The following DOCK1 variants were observed in gnomAD, a reference collection of about 807,000 sequenced individuals.
DOCK1 encodes the protein dedicator of cytokinesis 1.
A neutral mutation model predicts 262.7 loss-of-function variants in DOCK1; 138 were observed. That is an observed-to-expected ratio of 0.53 (90% CI 0.46 to 0.61). The LOEUF (loss-of-function observed/expected upper bound fraction) is 0.61, where lower values mean the gene tolerates loss of function less well. DOCK1 is among the 20% of genes least tolerant of loss of function. The pLI is 0.00. For synonymous variants in DOCK1, 866 were observed against 867.4 expected (o/e 1.00, Z 0.03); for missense variants, 1,908 against 2,370.7 (o/e 0.80, Z 4.05).
intron 22 of DOCK1, 109 bp from the exon 23 acceptor site, chr10:127,061,559 C>A: frequency 1.1e-6 from 1 of 906,268 alleles, no homozygotes; most frequent in Non-Finnish European, 1.7e-6. Flanking sequence ...GATGTGGTCT[C>A]TCATTCTAAC....
chr10:126,948,743 G>C (rs2035865425), intron 1 of DOCK1, among the ~76,000 whole-genome samples: 1 of 152,064 alleles, frequency 6.6e-6, no homozygotes, highest in Admixed American at 6.6e-5. Context: ...CATCCAGCCT[G>C]GATCCCAAGC....
At chr10:126,999,573 G>A (rs1033111397) in intron 9 of DOCK1, 138 bp downstream of exon 9, 8 of 644,638 alleles carry the variant, frequency 1.2e-5, no homozygotes, top group African/African-American at 5.5e-5. Flanking sequence ...GTATTACTAA[G>A]TAGAGCGCAT....
intron 29 of DOCK1, among the ~76,000 whole-genome samples, chr10:127,307,749 G>A (rs569824316): frequency 4.6e-5 from 7 of 152,326 alleles, no homozygotes; most frequent in African/African-American, 1.2e-4. Context: ...TGGTGTGAAC[G>A]CCACCATCTC....
chr10:127,352,688 G>T (rs192595752), intron 31 of DOCK1, among the ~76,000 whole-genome samples: 274 of 152,206 alleles, frequency 1.8e-3, no homozygotes, highest in African/African-American at 6.2e-3. Context: ...CGCCGCCCAG[G>T]TTCAAGCAAT....
chr10:127,053,557 T>C (rs2044903677), intron 22 of DOCK1, among the ~76,000 whole-genome samples: 1 of 152,240 alleles, frequency 6.6e-6, no homozygotes, highest in Non-Finnish European at 1.5e-5. Context: ...GATGAACTTA[T>C]GAATGATTTT....
intron 27 of DOCK1, chr10:127,177,175 G>C (rs1171609632): frequency 6.6e-6 from 1 of 151,928 alleles, no homozygotes; most frequent in Non-Finnish European, 1.5e-5. Context: ...ACTCATTCTA[G>C]AATCAAGTTT....
chr10:127,003,507 G>A (rs2040755769), intron 10 of DOCK1, among the ~76,000 whole-genome samples: 1 of 152,180 alleles, frequency 6.6e-6, no homozygotes, highest in African/African-American at 2.4e-5. Flanking sequence ...CAGTTGCCTA[G>A]CAGTTGCTGG....
At chr10:127,386,311 G>A (rs2066116101) in intron 38 of DOCK1, among the ~76,000 whole-genome samples, 1 of 152,172 alleles carries the variant, frequency 6.6e-6, no homozygotes, top group Admixed American at 6.5e-5. Flanking sequence ...CAGTCCTGTA[G>A]TTTAGGGGTC....
chr10:127,134,208 T>C (rs1050369268), intron 27 of DOCK1, among the ~76,000 whole-genome samples: 1 of 152,198 alleles, frequency 6.6e-6, no homozygotes, highest in African/African-American at 2.4e-5. Flanking sequence ...GTTGTGTATC[T>C]TGGTTCTGAT....
At chr10:127,248,975 T>C (rs1164647822) in intron 28 of DOCK1, among the ~76,000 whole-genome samples, 2 of 152,152 alleles carry the variant, frequency 1.3e-5, no homozygotes, top group Non-Finnish European at 2.9e-5. Context: ...TAATGCCTGA[T>C]GATCTGAGGT....
intron 32 of DOCK1, among the ~76,000 whole-genome samples, chr10:127,358,214 A>G (rs982322133): frequency 6.6e-6 from 1 of 152,068 alleles, no homozygotes; most frequent in Non-Finnish European, 1.5e-5. Flanking sequence ...GCCCATAGAG[A>G]GGAGCATCTC....
At chr10:127,141,457 C>T (rs2051235038) in intron 27 of DOCK1, among the ~76,000 whole-genome samples, 1 of 152,142 alleles carries the variant, frequency 6.6e-6, no homozygotes, top group African/African-American at 2.4e-5. Context: ...AATCCTAGCA[C>T]TTTGGGAGGC....
intron 45 of DOCK1, among the ~76,000 whole-genome samples, chr10:127,418,829 A>C (rs77123540): frequency 6.6e-6 from 1 of 152,206 alleles, no homozygotes; most frequent in Non-Finnish European, 1.5e-5. Context: ...TGGCTTTTAC[A>C]AGGTCTGGGA....
intron 12 of DOCK1, among the ~76,000 whole-genome samples, chr10:127,018,150 T>C (rs952357765): frequency 2.0e-5 from 3 of 152,182 alleles, no homozygotes; most frequent in African/African-American, 7.2e-5. Context: ...ACAGAGGGCC[T>C]GGGCTCCACA....
intron 48 of DOCK1, among the ~76,000 whole-genome samples, chr10:127,433,658 G>A (rs3824815): frequency 0.51 from 76,969 of 151,772 alleles, 20,105 homozygotes; most frequent in African/African-American, 0.6. Context: ...CACTTTGGGT[G>A]AGGTTTTCAT....
chr10:127,072,691 A>G (rs1250091090), intron 23 of DOCK1, among the ~76,000 whole-genome samples: 1 of 152,168 alleles, frequency 6.6e-6, no homozygotes, highest in Non-Finnish European at 1.5e-5. Flanking sequence ...AGCATGAAGT[A>G]ATCCTAATCC....
At chr10:127,119,035 G>A (rs1482072372) in intron 25 of DOCK1, among the ~76,000 whole-genome samples, 1 of 136,520 alleles carries the variant, frequency 7.3e-6, no homozygotes, top group Non-Finnish European at 1.5e-5. Context: ...GGGGGCTCCA[G>A]CTGAGGAATC....
At chr10:127,005,534 A>G (rs915113299) in intron 10 of DOCK1, among the ~76,000 whole-genome samples, 18 of 152,228 alleles carry the variant, frequency 1.2e-4, no homozygotes, top group African/African-American at 4.3e-4. Context: ...TGGACCTTTA[A>G]GTCTACAGTT....
At chr10:126,951,323 T>A (rs2036212616) in intron 1 of DOCK1, among the ~76,000 whole-genome samples, 1 of 149,954 alleles carries the variant, frequency 6.7e-6, no homozygotes, top group South Asian at 2.1e-4. Context: ...GTTGGTAGTA[T>A]TGTTGGTGAT....
Sources: allele counts gnomAD v4.1 joint callset (sites outside exome capture counted in the v4.1 genomes callset), GRCh38; gene constraint gnomAD v4.1.1; transcripts MANE v1.5; gene names NCBI Gene and HGNC (gene_info 2026-07-23, HGNC 2026-07-21).